Variants in THSD7B observed in about 807,000 individuals in gnomAD.
THSD7B encodes the protein thrombospondin type-1 domain-containing protein 7B.
THSD7B carries 138 observed loss-of-function variants against 213.6 expected under a neutral mutation model. The ratio of observed to expected loss-of-function variants is 0.65; its 90% CI spans 0.56 to 0.74. The LOEUF (loss-of-function observed/expected upper bound fraction) is 0.74. THSD7B is among the 30% of genes least tolerant of loss of function. THSD7B has a pLI of 0.00. For synonymous variants in THSD7B, 742 were observed against 687.0 expected (o/e 1.08, Z -1.25); for missense variants, 1,931 against 1,991.5 (o/e 0.97, Z 0.58).
At chr2:137,110,182 T>C (rs1033037236) in intron 4 of THSD7B, among the ~76,000 whole-genome samples, 1 of 152,188 alleles carries the variant, frequency 6.6e-6, no homozygotes, top group Non-Finnish European at 1.5e-5. Context: ...TTTATGTCTG[T>C]CTATCCCACC....
At chr2:137,489,710 A>T (rs557802208) in intron 15 of THSD7B, among the ~76,000 whole-genome samples, 6 of 152,326 alleles carry the variant, frequency 3.9e-5, no homozygotes, top group African/African-American at 1.4e-4. Context: ...ATCAGGACCC[A>T]GCATCATTCC....
At chr2:137,451,054 TA>T in intron 15 of THSD7B, 31 bp downstream of exon 15, 3 of 1,500,996 alleles carry the variant, frequency 2.0e-6, no homozygotes, top group Non-Finnish European at 2.7e-6. Context: ...AATAAAAAGC[TA>T]AAAAAGCTAT....
intron 21 of THSD7B, among the ~76,000 whole-genome samples, chr2:137,645,237 T>TA (rs1209826548): frequency 6.6e-6 from 1 of 152,244 alleles, no homozygotes; most frequent in African/African-American, 2.4e-5. Context: ...TCAATAGTTA[T>TA]AGTTAGTATT....
Position 137,315,194 on chromosome 2 carries a change from G to A in THSD7B, c.2500+39168G>A, listed in dbSNP as rs6716289. On this transcript the variant is annotated intron_variant, in intron 12 of 27. Coordinates refer to ENST00000409968, the MANE Select transcript of THSD7B (RefSeq NM_001316349.2). ...CGTAGGACCCTCCAAGCCAGGTGCG[G>A]GATATAATCTCCTGGTGCGCTGTTT... is the stretch of plus-strand genomic sequence containing the variant. Among the ~76,000 whole-genome samples, 725 of 152,334 alleles carry A rather than the reference G, an allele frequency of 4.8e-3. 10 individuals carry two copies. Among genetic ancestry groups the A allele is most frequent in the African/African-American group, 0.017 (689 of 41,576 alleles).
chr2:137,108,931 G>A (rs1463892148), intron 4 of THSD7B, among the ~76,000 whole-genome samples: 1 of 152,088 alleles, frequency 6.6e-6, no homozygotes, highest in Non-Finnish European at 1.5e-5. Context: ...CCTTTCCTGA[G>A]CTGACTTACC....
chr2:137,647,011 A>G (rs936363077), intron 21 of THSD7B, among the ~76,000 whole-genome samples: 6 of 152,070 alleles, frequency 3.9e-5, no homozygotes, highest in East Asian at 3.9e-4. Flanking sequence ...CAGCCATTCT[A>G]TACCATCCTG....
chr2:137,252,453 C>A (rs1369516768), intron 10 of THSD7B, among the ~76,000 whole-genome samples: 1 of 151,986 alleles, frequency 6.6e-6, no homozygotes, highest in Non-Finnish European at 1.5e-5. Flanking sequence ...AGGCATGAGC[C>A]ACCAGGCCTG....
At chr2:137,374,210 T>C (rs1685600495) in intron 12 of THSD7B, among the ~76,000 whole-genome samples, 1 of 152,140 alleles carries the variant, frequency 6.6e-6, no homozygotes. Context: ...AAACACACAA[T>C]GGGATATTTC....
At chr2:136,833,579 A>T (rs892365820) in intron 1 of THSD7B, among the ~76,000 whole-genome samples, 4 of 152,076 alleles carry the variant, frequency 2.6e-5, no homozygotes, top group Non-Finnish European at 1.5e-5. Context: ...AGAGGTTTGT[A>T]ATGAATATAG....
intron 1 of THSD7B, among the ~76,000 whole-genome samples, chr2:136,802,216 T>G (rs1682196086): frequency 6.6e-6 from 1 of 151,980 alleles, no homozygotes; most frequent in Non-Finnish European, 1.5e-5. Context: ...CAGGAGAAAT[T>G]TTCAAAGCTG....
chr2:136,770,708 A>T (rs1681488731), intron 1 of THSD7B, among the ~76,000 whole-genome samples: 2 of 152,192 alleles, frequency 1.3e-5, no homozygotes, highest in African/African-American at 2.4e-5. Flanking sequence ...TTATCCCTTG[A>T]TATTTGTACT....
At chr2:137,319,938 C>T (rs1015641532) in intron 12 of THSD7B, among the ~76,000 whole-genome samples, 10 of 152,134 alleles carry the variant, frequency 6.6e-5, no homozygotes, top group Non-Finnish European at 1.2e-4. Flanking sequence ...TTGCCTGGCT[C>T]ATGGATGAGA....
At chr2:137,194,846 A>T (rs1389117067) in intron 7 of THSD7B, among the ~76,000 whole-genome samples, 1 of 152,164 alleles carries the variant, frequency 6.6e-6, no homozygotes, top group Non-Finnish European at 1.5e-5. Context: ...TTCCAGGTAC[A>T]CACTCATATC....
At chr2:137,581,140 A>G (rs1440801273) in intron 17 of THSD7B, among the ~76,000 whole-genome samples, 1 of 152,214 alleles carries the variant, frequency 6.6e-6, no homozygotes, top group Non-Finnish European at 1.5e-5. Context: ...TATATACAAT[A>G]TATTAAAGTA....
Position 137,393,306 on chromosome 2 carries a change from C to T in THSD7B, c.2501-12307C>T, listed in dbSNP as rs186444897. On this transcript the variant is annotated intron_variant, in intron 12 of 27. Coordinates refer to ENST00000409968, the MANE Select transcript of THSD7B (RefSeq NM_001316349.2). ...GGTATATCTCCCAATGCTATCCCTC[C>T]CCCTTCCCACCACCCCACCACAGCC... is the stretch of plus-strand genomic sequence containing the variant. Among the ~76,000 whole-genome samples, 1,067 of 151,942 alleles carry T rather than the reference C, an allele frequency of 7.0e-3. 12 individuals carry two copies. The highest frequency in any genetic ancestry group is 0.025 in the African/African-American group (1,022 of 41,396).
chr2:137,602,777 T>C (rs1192197917), intron 17 of THSD7B, among the ~76,000 whole-genome samples: 3 of 152,112 alleles, frequency 2.0e-5, no homozygotes, highest in Non-Finnish European at 4.4e-5. Flanking sequence ...CCTAATTACC[T>C]CTTAAAAGTC....
intron 27 of THSD7B, 85 bp downstream of exon 27, chr2:137,667,946 C>A: frequency 1.9e-6 from 2 of 1,080,988 alleles, no homozygotes; most frequent in Non-Finnish European, 2.6e-6. Flanking sequence ...AGGATCATTG[C>A]CCATTATAAC....
At chr2:136,927,739 A>T (rs1343571905) in intron 2 of THSD7B, among the ~76,000 whole-genome samples, 1 of 152,222 alleles carries the variant, frequency 6.6e-6, no homozygotes, top group Non-Finnish European at 1.5e-5. Flanking sequence ...GACTGATGAC[A>T]GACATTGATA....
intron 9 of THSD7B, among the ~76,000 whole-genome samples, chr2:137,236,249 T>C (rs1198520124): frequency 6.6e-6 from 1 of 152,190 alleles, no homozygotes; most frequent in Non-Finnish European, 1.5e-5. Flanking sequence ...CATGTCTCCA[T>C]GGAACGTGTG....
Sources: allele counts gnomAD v4.1 joint callset (sites outside exome capture counted in the v4.1 genomes callset), GRCh38; gene constraint gnomAD v4.1.1; transcripts MANE v1.5; gene names NCBI Gene and HGNC (gene_info 2026-07-23, HGNC 2026-07-21).